EYS: variants seen among roughly 807,000 people sequenced by gnomAD.
EYS encodes the protein protein eyes shut homolog.
Under a neutral mutation model 282.1 loss-of-function variants are expected in EYS, and 250 were observed. The ratio of observed to expected loss-of-function variants is 0.89; its 90% CI spans 0.80 to 0.98. The LOEUF is 0.98. EYS is among the 50% of genes least tolerant of loss of function. The pLI, the probability that EYS is intolerant of heterozygous loss-of-function variation, is 0.00. For missense variants in EYS, 4,016 were observed against 3,709.0 expected (o/e 1.08, Z -2.15); for synonymous variants, 1,355 against 1,282.9 (o/e 1.06, Z -1.20).
intron 34 of EYS, among the ~76,000 whole-genome samples, chr6:63,989,647 CT>C (rs11295854): frequency 0.37 from 56,549 of 150,800 alleles, 10,844 homozygotes; most frequent in African/African-American, 0.45. Flanking sequence ...GTTTTATACA[CT>C]TTTTTTTACA....
chr6:64,791,114 A>C (rs1445053299), intron 22 of EYS, among the ~76,000 whole-genome samples: 2 of 151,868 alleles, frequency 1.3e-5, no homozygotes. Context: ...TTCTCCTTTC[A>C]TCATAGCTCA....
chr6:65,474,217 T>A (rs1203259449), intron 5 of EYS, among the ~76,000 whole-genome samples: 2 of 152,098 alleles, frequency 1.3e-5, no homozygotes, highest in Non-Finnish European at 2.9e-5. Context: ...AATAGTTTCA[T>A]AAATGCAACT....
chr6:65,375,965 C>G (rs913989961), intron 8 of EYS, among the ~76,000 whole-genome samples: 4 of 152,062 alleles, frequency 2.6e-5, no homozygotes, highest in African/African-American at 9.7e-5. Flanking sequence ...AGGATATTAT[C>G]CAGGAGAACT....
chr6:63,892,253 A>G (rs1407694168), intron 35 of EYS, among the ~76,000 whole-genome samples: 1 of 152,234 alleles, frequency 6.6e-6, no homozygotes, highest in Non-Finnish European at 1.5e-5. Flanking sequence ...TGGAACCAAA[A>G]AAGAGCCCAT....
intron 30 of EYS, among the ~76,000 whole-genome samples, chr6:64,266,250 T>A (rs899013817): frequency 6.6e-6 from 1 of 152,102 alleles, no homozygotes; most frequent in South Asian, 2.1e-4. Context: ...GATTGGGTGT[T>A]TTAATTAAGA....
chr6:64,333,375 C>A (rs1770712748), intron 29 of EYS, among the ~76,000 whole-genome samples: 1 of 152,082 alleles, frequency 6.6e-6, no homozygotes, highest in South Asian at 2.1e-4. Flanking sequence ...AATATTGGGA[C>A]CATCTGTAAA....
chr6:64,055,731 T>C (rs532521776), intron 33 of EYS, among the ~76,000 whole-genome samples: 1 of 152,308 alleles, frequency 6.6e-6, no homozygotes, highest in East Asian at 1.9e-4. Flanking sequence ...GCTGTTCTTC[T>C]GAAGCGTCAC....
At chr6:63,973,165 T>TCCTCAAGAATC (rs1766665582) in intron 35 of EYS, among the ~76,000 whole-genome samples, 3 of 151,840 alleles carry the variant, frequency 2.0e-5, no homozygotes, top group African/African-American at 7.3e-5. Flanking sequence ...AATTTACACT[T>TCCTCAAGAATC]CCACCAACAG....
intron 32 of EYS, among the ~76,000 whole-genome samples, chr6:64,067,014 AAT>A (rs1554203481): frequency 6.6e-6 from 1 of 151,946 alleles, no homozygotes; most frequent in Non-Finnish European, 1.5e-5. Flanking sequence ...AAAAGAGATA[AAT>A]ATTTCTTTTC....
At chr6:65,541,617 C>T (rs1701589454) in intron 2 of EYS, among the ~76,000 whole-genome samples, 2 of 151,940 alleles carry the variant, frequency 1.3e-5, no homozygotes, top group South Asian at 4.2e-4. Context: ...ACTTTATCTG[C>T]CTTTCCAAGA....
In EYS at chr6:64,000,168, C is replaced by CTT. The variant is rs71551553; in HGVS notation, c.6726-987_6726-986dup. On this transcript the variant is annotated intron_variant, in intron 33 of 42. Transcript: ENST00000503581. ...CTGAGGAGTTTCCCAAGACATGGGA[C>CTT]TTTTTTTTTTTTTTTTTTTTTTTTT... Among the ~76,000 whole-genome samples, 335 of 42,692 alleles carry CTT rather than the reference C, an allele frequency of 7.8e-3. 87 individuals carry two copies. The highest frequency in any genetic ancestry group is 0.017 in the Middle Eastern group (1 of 60). The allele number at this position is 42,692 out of a possible 152,430, so 28.0% of individuals were successfully genotyped here. A position where few individuals can be genotyped will look rare whatever the true frequency, so the allele number is the denominator to read the frequency against.
At position 64,521,308 on chromosome 6, in the gene EYS, T is replaced by C. The variant is rs114719549; in HGVS notation, c.5644+68915A>G. Among the ~76,000 whole-genome samples, 1,213 of 151,906 alleles carry C rather than the reference T, an allele frequency of 8.0e-3. 12 individuals are homozygous for C. The highest frequency in any genetic ancestry group is 0.027 in the African/African-American group (1,123 of 41,490). ...TTTAGTTTATCAGAAAAATTGAATG[T>C]CATGGAAGTGATGGAGAAGTGAAAG... On this transcript the variant is annotated intron_variant, in intron 26 of 42. Transcript: ENST00000503581.
chr6:65,378,645 C>T (rs142699407), intron 8 of EYS, among the ~76,000 whole-genome samples: 1,722 of 152,160 alleles, frequency 0.011, 37 homozygotes, highest in African/African-American at 0.039. Flanking sequence ...AAATGCCCAT[C>T]AATGATAGAC....
intron 2 of EYS, among the ~76,000 whole-genome samples, chr6:65,576,925 T>G (rs1764688691): frequency 6.6e-6 from 1 of 151,740 alleles, no homozygotes; most frequent in Non-Finnish European, 1.5e-5. Flanking sequence ...AGAAAAAACA[T>G]AAATAAATAA....
At chr6:63,810,273 A>C (rs1240440283) in intron 36 of EYS, among the ~76,000 whole-genome samples, 13 of 151,370 alleles carry the variant, frequency 8.6e-5, no homozygotes, top group Admixed American at 7.9e-4. Flanking sequence ...AAAAAAAAAA[A>C]AAACAAAAAA....
At chr6:65,447,183 C>G (rs187252263) in intron 5 of EYS, among the ~76,000 whole-genome samples, 1 of 151,078 alleles carries the variant, frequency 6.6e-6, no homozygotes, top group Admixed American at 6.6e-5. Flanking sequence ...TTGTTTTATT[C>G]ATTTGCTTAA....
chr6:64,844,673 T>G (rs1404349972), intron 19 of EYS, among the ~76,000 whole-genome samples: 1 of 152,148 alleles, frequency 6.6e-6, no homozygotes, highest in Non-Finnish European at 1.5e-5. Context: ...GATACTTATT[T>G]CATTTGGACA....
At chr6:64,844,321 A>T (rs918821908) in intron 19 of EYS, among the ~76,000 whole-genome samples, 1 of 150,088 alleles carries the variant, frequency 6.7e-6, no homozygotes, top group Admixed American at 6.6e-5. Context: ...AATGAGTGAG[A>T]CTAAAACCAT....
Position 65,445,319 on chromosome 6 carries a change from G to A in EYS, c.863-39952C>T, listed in dbSNP as rs182642176. On this transcript the variant is annotated intron_variant, in intron 5 of 42. Transcript: ENST00000503581. ...AAATAGCTAAGGCTTGCTTTGCTCA[G>A]GCCTATAGTTTAACTTAATTTATTA... is the stretch of plus-strand genomic sequence containing the variant. Among the ~76,000 whole-genome samples the A allele has an allele frequency of 8.9e-4, 135 of 151,760 alleles. 2 individuals carry two copies. Among genetic ancestry groups the A allele is most frequent in the African/African-American group, 2.6e-3 (109 of 41,440 alleles).
Sources: allele counts gnomAD v4.1 joint callset (sites outside exome capture counted in the v4.1 genomes callset), GRCh38; gene constraint gnomAD v4.1.1; transcripts MANE v1.5; gene names NCBI Gene and HGNC (gene_info 2026-07-23, HGNC 2026-07-21).